Variants in ATL1 observed in about 807,000 individuals in gnomAD.
The protein encoded by ATL1 is atlastin GTPase 1.
ATL1 carries 31 observed loss-of-function variants against 75.5 expected under a neutral mutation model. The ratio of observed to expected loss-of-function variants is 0.41; its 90% confidence interval spans 0.31 to 0.55. ATL1 has a LOEUF of 0.55. Ranked by LOEUF, ATL1 falls within the 20% of genes least tolerant of loss-of-function variation. ATL1 has a pLI of 0.27. For missense variants in ATL1, 405 were observed against 662.6 expected (o/e 0.61, Z 4.27); for synonymous variants, 226 against 233.3 (o/e 0.97, Z 0.28).
intron 6 of ATL1, among the ~76,000 whole-genome samples, chr14:50,610,131 A>G (rs1241379616): frequency 1.3e-5 from 2 of 152,122 alleles, no homozygotes; most frequent in African/African-American, 4.8e-5. Flanking sequence ...CAAATGAGGA[A>G]ACAATAAATG....
In ATL1 at chr14:50,566,582, AGTGAGAT is replaced by A. The variant is rs1231807679; in HGVS notation, c.34+6289_34+6295del. 2.0e-5 allele frequency among the ~76,000 whole-genome samples: 3 copies of A among 152,180 alleles called. No individual in the cohort carries two copies. In the East Asian group the frequency reaches 5.8e-4, roughly 29 times the overall value. ...TTCAATCTGCATTTTACTGATTACC[AGTGAGAT>A]GTGAGCATATATTTATTGTCCATTC... On this transcript the variant is annotated intron_variant, in intron 1 of 13. Transcript: ENST00000358385.
rs2039589108 is a variant in ATL1 at position 50,632,225 on chromosome 14, C to G, written c.1567-4C>G. The G allele has an allele frequency of 6.2e-7, 1 of 1,603,442 alleles. No individual in the cohort carries two copies. On this transcript the variant is annotated splice_polypyrimidine_tract_variant and splice_region_variant and intron_variant, in intron 13 of 13. Transcript: ENST00000358385. ...GTTTTATAATTTTGATGCTTTTATT[C>G]TAGGCTTTGTACAAGCTTTACAGTG...
chr14:50,540,076 T>C (rs774447959), intron 1 of ATL1, among the ~76,000 whole-genome samples: 14 of 152,214 alleles, frequency 9.2e-5, no homozygotes, highest in Non-Finnish European at 2.9e-5. Flanking sequence ...GGATTAGAGA[T>C]GATGATTGGG....
At chr14:50,540,385 G>A (rs1309721819) in intron 1 of ATL1, among the ~76,000 whole-genome samples, 1 of 152,154 alleles carries the variant, frequency 6.6e-6, no homozygotes, top group Non-Finnish European at 1.5e-5. Flanking sequence ...CATATTACCT[G>A]AATCTTAGAC....
intron 1 of ATL1, among the ~76,000 whole-genome samples, chr14:50,545,833 GT>G (rs1566707420): frequency 1.3e-5 from 2 of 152,168 alleles, no homozygotes; most frequent in Non-Finnish European, 2.9e-5. Context: ...ACGCCAGCTG[GT>G]TACATATTAT....
intron 2 of ATL1, among the ~76,000 whole-genome samples, chr14:50,589,889 G>T (rs1488009852): frequency 1.3e-5 from 2 of 152,088 alleles, no homozygotes; most frequent in Non-Finnish European, 2.9e-5. Context: ...TTACTGTAAG[G>T]TTTTAGATTG....
chr14:50,581,660 T>A (rs1467233201), intron 1 of ATL1, among the ~76,000 whole-genome samples: 1 of 152,242 alleles, frequency 6.6e-6, no homozygotes, highest in Middle Eastern at 3.2e-3. Context: ...TCTGGTTTAA[T>A]TCCTTTATGA....
At chr14:50,546,795 C>T (rs923535814) in intron 1 of ATL1, among the ~76,000 whole-genome samples, 1 of 151,312 alleles carries the variant, frequency 6.6e-6, no homozygotes, top group South Asian at 2.1e-4. Flanking sequence ...ATGAAAGTAA[C>T]AAAATCTTCT....
chr14:50,567,994 G>T (rs1595585293), intron 1 of ATL1, among the ~76,000 whole-genome samples: 3 of 152,258 alleles, frequency 2.0e-5, no homozygotes, highest in Admixed American at 2.0e-4. Context: ...TGTCTGTTAG[G>T]TCTAATTGGC....
chr14:50,600,864 G>C (rs2039265173), intron 6 of ATL1, among the ~76,000 whole-genome samples: 2 of 152,124 alleles, frequency 1.3e-5, no homozygotes, highest in Admixed American at 1.3e-4. Flanking sequence ...TACTTTGGGA[G>C]GAGGAGGCAG....
intron 11 of ATL1, 29 bp from the exon 12 acceptor site, chr14:50,627,999 TGCA>T: frequency 2.5e-6 from 4 of 1,612,372 alleles, no homozygotes; most frequent in Non-Finnish European, 3.4e-6. Context: ...TACTCTGCAT[TGCA>T]TAAACAAATA....
At chr14:50,562,379 T>C (rs184733197) in intron 1 of ATL1, among the ~76,000 whole-genome samples, 18 of 152,280 alleles carry the variant, frequency 1.2e-4, no homozygotes, top group African/African-American at 4.3e-4. Context: ...TTTTTCCCTC[T>C]TGGGAACATG....
intron 2 of ATL1, 134 bp from the exon 3 acceptor site, chr14:50,590,807 G>A: frequency 1.2e-6 from 1 of 847,468 alleles, no homozygotes. Flanking sequence ...TAAAGTGATG[G>A]TATCAATGCA....
At chr14:50,556,825 C>T (rs1489472988), upstream of ATL1, among the ~76,000 whole-genome samples, 1 of 152,154 alleles carries the variant, frequency 6.6e-6, no homozygotes, top group East Asian at 1.9e-4. Context: ...TATTGGTACT[C>T]AATAACTTTT....
intron 6 of ATL1, among the ~76,000 whole-genome samples, chr14:50,607,451 G>T (rs1451264087): frequency 6.6e-6 from 1 of 152,134 alleles, no homozygotes; most frequent in South Asian, 2.1e-4. Flanking sequence ...TATGTCTTTT[G>T]TTAAATGTGT....
chr14:50,547,238 A>C lies in ATL1; in HGVS notation c.-139-12889A>C, dbSNP rs948985219. Among the ~76,000 whole-genome samples the C allele has an allele frequency of 3.9e-5, 6 of 152,328 alleles. No individual in the cohort carries two copies. The South Asian group carries it at 8.3e-4, about 21-fold the overall frequency. ...CGAATGAATTGGATAGATATGAATG[A>C]GATAAATGCTTATAGGTGAACTCTT... On this transcript the variant is annotated intron_variant, in intron 1 of 13. Transcript: ENST00000441560.
In ATL1 at chr14:50,572,974, C is replaced by T. The variant is rs1331776928; in HGVS notation, c.34+12675C>T. 7.2e-5 allele frequency among the ~76,000 whole-genome samples: 11 copies of T among 152,264 alleles called. No homozygotes were observed. In the East Asian group the frequency reaches 1.9e-3, roughly 27 times the overall value. On this transcript the variant is annotated intron_variant, in intron 1 of 13. Transcript: ENST00000358385. ...GGGGACGCAAACACATCCTTCTTCA[C>T]ATGGTTGCAGGAGAGAGAAGCGCAG... is the stretch of plus-strand genomic sequence containing the variant.
rs970036872 is a variant in ATL1, at chr14:50,581,674, G to A, written c.35-6157G>A. Among the ~76,000 whole-genome samples the A allele has an allele frequency of 2.0e-5, 3 of 152,194 alleles. No homozygotes were observed. In the East Asian group the frequency reaches 5.8e-4, roughly 29 times the overall value. ...TTCTGGTTTAATTCCTTTATGATGA[G>A]ATAACATATTCTTTCTTACTGTAAT... is the stretch of plus-strand genomic sequence containing the variant. On this transcript the variant is annotated intron_variant, in intron 1 of 13. Transcript: ENST00000358385.
chr14:50,589,758 T>C (rs926622353), intron 2 of ATL1, among the ~76,000 whole-genome samples: 9 of 152,220 alleles, frequency 5.9e-5, no homozygotes, highest in African/African-American at 2.2e-4. Context: ...AAGCTCTTGA[T>C]AACGGTCTAA....
Sources: gnomAD v4.1 joint callset for allele counts (sites outside exome capture counted in the v4.1 genomes callset) on GRCh38, gnomAD v4.1.1 for gene constraint, MANE v1.5 for transcripts, NCBI Gene and HGNC (gene_info 2026-07-23, HGNC 2026-07-21) for gene names.